Variants in CFAP299 observed in about 807,000 individuals in gnomAD.
CFAP299 encodes the protein cilia- and flagella-associated protein 299.
CFAP299 carries 21 observed loss-of-function variants against 27.0 expected under a neutral mutation model. The observed-to-expected ratio is 0.78, with a 90% CI of 0.55 to 1.12. CFAP299 has a LOEUF of 1.12. Among genes scored for constraint, CFAP299 ranks in the 50% most tolerant of loss-of-function variants. The pLI, the probability that CFAP299 is intolerant of heterozygous loss-of-function variation, is 0.00. For synonymous variants in CFAP299, 104 were observed against 98.1 expected, an observed-to-expected ratio of 1.06 and a Z score of -0.36; for missense variants, 310 against 276.6, an observed-to-expected ratio of 1.12 and a Z score of -0.86.
chr4:80,807,432 G>A (rs1006722184), intron 3 of CFAP299, among the ~76,000 whole-genome samples: 3 of 152,136 alleles, frequency 2.0e-5, no homozygotes, highest in South Asian at 2.1e-4. Flanking sequence ...TACCAAACAC[G>A]TTTTAGATTA....
At chr4:80,896,024 A>G (rs969453249) in intron 4 of CFAP299, among the ~76,000 whole-genome samples, 2 of 152,062 alleles carry the variant, frequency 1.3e-5, no homozygotes, top group Non-Finnish European at 2.9e-5. Flanking sequence ...TGTGAATTTT[A>G]GTTTATGAAC....
At chr4:80,781,600 A>G (rs1726882490) in intron 3 of CFAP299, among the ~76,000 whole-genome samples, 1 of 152,122 alleles carries the variant, frequency 6.6e-6, no homozygotes, top group Non-Finnish European at 1.5e-5. Context: ...GTCATTGTTC[A>G]TGCAATAAAT....
At chr4:80,458,259 T>C (rs1488393119) in intron 2 of CFAP299, among the ~76,000 whole-genome samples, 1 of 152,236 alleles carries the variant, frequency 6.6e-6, no homozygotes, top group African/African-American at 2.4e-5. Flanking sequence ...TACAAATGTT[T>C]CTTTTTCTTC....
intron 3 of CFAP299, among the ~76,000 whole-genome samples, chr4:80,655,927 T>C (rs1481301589): frequency 6.6e-6 from 1 of 152,180 alleles, no homozygotes; most frequent in Non-Finnish European, 1.5e-5. Context: ...TGAAGAGCTG[T>C]TCTTGCTTCT....
intron 3 of CFAP299, among the ~76,000 whole-genome samples, chr4:80,600,376 A>G (rs1373293231): frequency 1.3e-5 from 2 of 152,094 alleles, no homozygotes; most frequent in African/African-American, 4.8e-5. Context: ...TATTACATCC[A>G]TGTCACTTTT....
intron 2 of CFAP299, among the ~76,000 whole-genome samples, chr4:80,414,173 C>G (rs955929577): frequency 2.0e-5 from 3 of 149,032 alleles, no homozygotes; most frequent in African/African-American, 7.4e-5. Context: ...CGGGTTCACG[C>G]CATTCTCCTG....
chr4:80,700,156 G>C (rs1721382158), intron 3 of CFAP299, among the ~76,000 whole-genome samples: 1 of 152,062 alleles, frequency 6.6e-6, no homozygotes, highest in African/African-American at 2.4e-5. Context: ...AGTGTAGTAA[G>C]GTAGTTAAAT....
chr4:80,510,428 T>A (rs1369687300), intron 2 of CFAP299, among the ~76,000 whole-genome samples: 2 of 152,154 alleles, frequency 1.3e-5, no homozygotes, highest in Admixed American at 6.6e-5. Flanking sequence ...TGCCTCAAGA[T>A]GGCACACCTC....
At chr4:80,730,820 A>G (rs1290008566) in intron 3 of CFAP299, among the ~76,000 whole-genome samples, 1 of 152,164 alleles carries the variant, frequency 6.6e-6, no homozygotes, top group East Asian at 1.9e-4. Flanking sequence ...TTTGCAATGC[A>G]TTCATTGGCT....
chr4:80,808,096 T>C (rs1318336587), intron 3 of CFAP299, among the ~76,000 whole-genome samples: 3 of 151,962 alleles, frequency 2.0e-5, no homozygotes, highest in Non-Finnish European at 4.4e-5. Flanking sequence ...AAGTTAAACA[T>C]AGTTAAAAAT....
At chr4:80,830,337 G>T (rs1440830947) in intron 3 of CFAP299, among the ~76,000 whole-genome samples, 1 of 152,056 alleles carries the variant, frequency 6.6e-6, no homozygotes, top group Non-Finnish European at 1.5e-5. Flanking sequence ...CAAGTCCATA[G>T]AAAAATATTT....
chr4:80,668,166 T>TTG (rs1318079456), intron 3 of CFAP299, among the ~76,000 whole-genome samples: 1 of 151,544 alleles, frequency 6.6e-6, no homozygotes, highest in Non-Finnish European at 1.5e-5. Flanking sequence ...AAATTTTTTT[T>TTG]TTTGCTAATT....
chr4:80,853,878 A>C (rs1315186458), intron 3 of CFAP299, among the ~76,000 whole-genome samples: 1 of 152,154 alleles, frequency 6.6e-6, no homozygotes, highest in Admixed American at 6.6e-5. Flanking sequence ...TGTGTGATGG[A>C]CATGTTCAGT....
At chr4:80,888,708 C>T (rs1418302825) in intron 4 of CFAP299, among the ~76,000 whole-genome samples, 2 of 151,650 alleles carry the variant, frequency 1.3e-5, no homozygotes, top group East Asian at 3.9e-4. Flanking sequence ...CAAGAATAGA[C>T]CATATGTTAG....
At chr4:80,794,192 A>G (rs1727725661) in intron 3 of CFAP299, among the ~76,000 whole-genome samples, 1 of 152,214 alleles carries the variant, frequency 6.6e-6, no homozygotes, top group Non-Finnish European at 1.5e-5. Context: ...ACTTAAAGGT[A>G]GGAGAAACCC....
chr4:80,433,339 G>T (rs1295158114), intron 2 of CFAP299, among the ~76,000 whole-genome samples: 2 of 152,050 alleles, frequency 1.3e-5, no homozygotes, highest in African/African-American at 4.8e-5. Flanking sequence ...AATATGTACA[G>T]CTGTGTATTC....
chr4:80,440,930 C>A (rs557983889), intron 2 of CFAP299, among the ~76,000 whole-genome samples: 1 of 151,772 alleles, frequency 6.6e-6, no homozygotes. Context: ...TATCAATAGC[C>A]GAATCAATCA....
At chr4:80,846,869 T>C (rs1036135340) in intron 3 of CFAP299, among the ~76,000 whole-genome samples, 26 of 152,210 alleles carry the variant, frequency 1.7e-4, no homozygotes, top group Admixed American at 6.5e-5. Flanking sequence ...TGAGTGCCTA[T>C]CTGCCCGCTA....
chr4:80,937,196 C>A (rs540816207), intron 4 of CFAP299, among the ~76,000 whole-genome samples: 73 of 151,524 alleles, frequency 4.8e-4, no homozygotes, highest in Non-Finnish European at 9.1e-4. Flanking sequence ...TATACAATGA[C>A]CTTCTATTTC....
Sources: gnomAD v4.1 joint callset for allele counts (sites outside exome capture counted in the v4.1 genomes callset) on GRCh38, gnomAD v4.1.1 for gene constraint, MANE v1.5 for transcripts, NCBI Gene and HGNC (gene_info 2026-07-23, HGNC 2026-07-21) for gene names.